The following TNRC6B variants were observed in gnomAD, a reference collection of about 807,000 sequenced individuals.
The protein encoded by TNRC6B is trinucleotide repeat-containing gene 6B protein.
A neutral mutation model predicts 203.6 loss-of-function variants in TNRC6B; 52 were observed. The observed-to-expected ratio is 0.26, with a 90% CI of 0.20 to 0.32. TNRC6B has a LOEUF of 0.32. Ranked by LOEUF, TNRC6B falls within the 10% of genes least tolerant of loss-of-function variation. The pLI is 1.00. For missense variants in TNRC6B, 1,923 were observed against 2,286.2 expected (o/e 0.84, Z 3.24); for synonymous variants, 838 against 845.7 (o/e 0.99, Z 0.16).
intron 4 of TNRC6B, among the ~76,000 whole-genome samples, chr22:40,171,900 G>A (rs769849051): frequency 4.1e-4 from 62 of 151,640 alleles, no homozygotes; most frequent in Non-Finnish European, 8.2e-4. Context: ...CCTCTCTGTT[G>A]CCCAGGCTGG....
intron 11 of TNRC6B, among the ~76,000 whole-genome samples, chr22:40,282,855 T>G (rs1383683041): frequency 1.3e-5 from 2 of 152,166 alleles, no homozygotes; most frequent in Non-Finnish European, 2.9e-5. Context: ...TAATTTTGTT[T>G]TTAATTTGTA....
At chr22:40,225,131 T>A (rs952168797) in intron 1 of TNRC6B, among the ~76,000 whole-genome samples, 26 of 152,224 alleles carry the variant, frequency 1.7e-4, no homozygotes, top group African/African-American at 5.8e-4. Context: ...GATTTTAAAG[T>A]GTCAGACTCC....
chr22:40,307,062 C>T (rs976480537), intron 15 of TNRC6B, among the ~76,000 whole-genome samples: 9 of 148,088 alleles, frequency 6.1e-5, no homozygotes, highest in Admixed American at 3.4e-4. Context: ...CCTCCACTCT[C>T]CAATCATTTT....
At chr22:40,319,877 T>A (rs935374398) in intron 21 of TNRC6B, among the ~76,000 whole-genome samples, 9 of 152,204 alleles carry the variant, frequency 5.9e-5, no homozygotes, top group Non-Finnish European at 1.0e-4. Context: ...TCCCCTCAGA[T>A]AAAAGGGGAC....
At chr22:40,214,740 G>C (rs1442429374) in intron 1 of TNRC6B, among the ~76,000 whole-genome samples, 4 of 152,156 alleles carry the variant, frequency 2.6e-5, no homozygotes, top group Middle Eastern at 3.4e-3. Context: ...TTTTTGTGGA[G>C]ATAGAGTCTT....
intron 1 of TNRC6B, among the ~76,000 whole-genome samples, chr22:40,224,618 C>G (rs1028917518): frequency 6.6e-6 from 1 of 152,162 alleles, no homozygotes; most frequent in African/African-American, 2.4e-5. Context: ...GAGTTTGTAT[C>G]ATAGTTAGAA....
At chr22:40,153,609 A>G (rs1335766778) in intron 3 of TNRC6B, among the ~76,000 whole-genome samples, 1 of 151,808 alleles carries the variant, frequency 6.6e-6, no homozygotes, top group Non-Finnish European at 1.5e-5. Flanking sequence ...CAGGGAAACC[A>G]AAATTATACA....
At chr22:40,245,136 G>T (rs770521503) in intron 1 of TNRC6B, among the ~76,000 whole-genome samples, 4 of 151,990 alleles carry the variant, frequency 2.6e-5, no homozygotes, top group Middle Eastern at 3.4e-3. Flanking sequence ...TGTTGACTGG[G>T]CTGGAGTGCA....
intron 1 of TNRC6B, among the ~76,000 whole-genome samples, chr22:40,073,663 C>G (rs1601798920): frequency 6.6e-6 from 1 of 152,240 alleles, no homozygotes; most frequent in East Asian, 1.9e-4. Flanking sequence ...GCTGTAATTC[C>G]AGCACGTTGG....
intron 3 of TNRC6B, among the ~76,000 whole-genome samples, chr22:40,151,293 G>A (rs1035484607): frequency 2.6e-5 from 4 of 151,986 alleles, no homozygotes; most frequent in African/African-American, 7.3e-5. Flanking sequence ...GCCAGGCACC[G>A]TGGCTCACAC....
chr22:40,108,483 G>T (rs1234074857), intron 1 of TNRC6B, among the ~76,000 whole-genome samples: 1 of 152,146 alleles, frequency 6.6e-6, no homozygotes, highest in Non-Finnish European at 1.5e-5. Flanking sequence ...CTTTTTCAAT[G>T]AACACTTGTC....
At chr22:40,196,834 C>CG (rs1203827884) in intron 1 of TNRC6B, among the ~76,000 whole-genome samples, 1 of 151,986 alleles carries the variant, frequency 6.6e-6, no homozygotes, top group Non-Finnish European at 1.5e-5. Context: ...AGGCTCTGGT[C>CG]GGGGGGAAGG....
At chr22:40,083,616 G>A (rs1222684521) in intron 1 of TNRC6B, among the ~76,000 whole-genome samples, 2 of 152,124 alleles carry the variant, frequency 1.3e-5, no homozygotes, top group African/African-American at 4.8e-5. Context: ...ACGTGGGGGT[G>A]ATCCAGGAAA....
chr22:40,143,764 G>A (rs1241404911), intron 3 of TNRC6B, among the ~76,000 whole-genome samples: 1 of 152,170 alleles, frequency 6.6e-6, no homozygotes, highest in African/African-American at 2.4e-5. Flanking sequence ...CCAAAGTGTT[G>A]GGATTACAGG....
intron 1 of TNRC6B, among the ~76,000 whole-genome samples, chr22:40,097,841 G>T (rs1042481037): frequency 5.9e-5 from 9 of 151,724 alleles, no homozygotes; most frequent in Non-Finnish European, 1.2e-4. Flanking sequence ...GTTTTATAAT[G>T]GCGTATCTTA....
intron 3 of TNRC6B, 31 bp from the exon 4 acceptor site, chr22:40,261,801 C>A: frequency 6.8e-7 from 1 of 1,463,236 alleles, no homozygotes; most frequent in Non-Finnish European, 9.2e-7. Context: ...TGATGTATTT[C>A]AAAGACTGTT....
intron 3 of TNRC6B, among the ~76,000 whole-genome samples, chr22:40,255,056 C>A (rs374299357): frequency 6.6e-6 from 1 of 152,180 alleles, no homozygotes; most frequent in Non-Finnish European, 1.5e-5. Flanking sequence ...GGTTTAAACA[C>A]CTGGGTTCGT....
intron 4 of TNRC6B, among the ~76,000 whole-genome samples, chr22:40,164,253 T>TG (rs934208151): frequency 2.0e-5 from 3 of 149,196 alleles, no homozygotes; most frequent in Non-Finnish European, 3.0e-5. Flanking sequence ...CCAGGTGTGG[T>TG]GGTGGGCTCC....
chr22:40,053,549 G>T (rs1400378099), intron 1 of TNRC6B, among the ~76,000 whole-genome samples: 4 of 152,132 alleles, frequency 2.6e-5, no homozygotes, highest in African/African-American at 9.7e-5. Flanking sequence ...ATTTCTCTCT[G>T]TTCTCTTAGA....
Sources: gnomAD v4.1 joint callset for allele counts (sites outside exome capture counted in the v4.1 genomes callset) on GRCh38, gnomAD v4.1.1 for gene constraint, MANE v1.5 for transcripts, NCBI Gene and HGNC (gene_info 2026-07-23, HGNC 2026-07-21) for gene names.